Variants in TANK observed in about 807,000 individuals in gnomAD.
The protein encoded by TANK is TRAF family member-associated NF-kappa-B activator.
TANK carries 15 observed loss-of-function variants against 43.6 expected under a neutral mutation model. That is an observed-to-expected ratio of 0.34 (90% confidence interval 0.23 to 0.53). TANK has a LOEUF of 0.53. Ranked by LOEUF, TANK falls within the 20% of genes least tolerant of loss-of-function variation. TANK has a pLI of 0.94. For missense variants in TANK, 417 were observed against 498.6 expected (o/e 0.84, Z 1.56); for synonymous variants, 162 against 178.2 (o/e 0.91, Z 0.73).
chr2:161,157,193 A>T (rs1684250504), upstream of TANK, among the ~76,000 whole-genome samples: 5 of 152,192 alleles, frequency 3.3e-5, no homozygotes, highest in Admixed American at 2.6e-4. Flanking sequence ...CCTTCCAACA[A>T]AAAAGTACAT....
In TANK at chr2:161,208,182, C is replaced by G. The variant is rs559065022; in HGVS notation, c.327+3389C>G. 69 of 985,328 alleles carry G rather than the reference C, an allele frequency of 7.0e-5. No homozygotes were observed. The South Asian group carries it at 3.0e-3, about 42-fold the overall frequency. The allele number at this position is 985,328 out of a possible 1,614,324, so 61.0% of individuals were successfully genotyped here. The stretch of plus-strand genomic sequence containing the variant: ...ACTTGTGGACATTTTGGCAAATAGC[C>G]ACTCTGGCTGCCTTGGAAAAAAGAG... On this transcript the variant is annotated intron_variant, in intron 4 of 7. Transcript: ENST00000392749.
At chr2:161,202,970 G>C (rs1460301270) in intron 2 of TANK, 2 of 382,098 alleles carry the variant, frequency 5.2e-6, no homozygotes, top group Non-Finnish European at 1.0e-5. Flanking sequence ...ACTTAGTGGA[G>C]AAGTTTCTGG....
At chr2:161,137,224 A>G in intron 1 of TANK, 2 of 985,386 alleles carry the variant, frequency 2.0e-6, no homozygotes, top group Non-Finnish European at 2.4e-6. Flanking sequence ...ATAGTTAGAA[A>G]TTTGGCCTTT....
intron 4 of TANK, among the ~76,000 whole-genome samples, chr2:161,209,881 G>GA (rs1222327986): frequency 6.6e-6 from 1 of 152,122 alleles, no homozygotes; most frequent in African/African-American, 2.4e-5. Context: ...ATTGAATGTT[G>GA]AAAAGTTATT....
chr2:161,214,365 T>C (rs1687028818), intron 4 of TANK, among the ~76,000 whole-genome samples: 1 of 152,210 alleles, frequency 6.6e-6, no homozygotes, highest in African/African-American at 2.4e-5. Flanking sequence ...ATAATTGTAC[T>C]TCAGTATGCA....
intron 5 of TANK, among the ~76,000 whole-genome samples, chr2:161,224,237 G>A (rs529779806): frequency 2.0e-5 from 3 of 151,946 alleles, no homozygotes; most frequent in Admixed American, 6.6e-5. Context: ...TGTTAAGGTC[G>A]TATTTCTTTA....
chr2:161,192,403 A>G (rs1685956822), intron 2 of TANK, among the ~76,000 whole-genome samples: 1 of 152,184 alleles, frequency 6.6e-6, no homozygotes, highest in Non-Finnish European at 1.5e-5. Flanking sequence ...TCTTACCACT[A>G]CTAGTGTCCT....
intron 1 of TANK, chr2:161,161,027 A>G (rs912772456): frequency 9.5e-6 from 5 of 525,042 alleles, no homozygotes; most frequent in Admixed American, 3.2e-5. Context: ...AACTTCCCAG[A>G]GGGTCACGGA....
chr2:161,183,229 C>T (rs575179314), intron 2 of TANK, among the ~76,000 whole-genome samples: 1 of 152,238 alleles, frequency 6.6e-6, no homozygotes, highest in Non-Finnish European at 1.5e-5. Context: ...CAAAAGAATA[C>T]TCCATTATGG....
intron 2 of TANK, among the ~76,000 whole-genome samples, chr2:161,186,765 T>C (rs1685678884): frequency 6.6e-6 from 1 of 152,112 alleles, no homozygotes; most frequent in Non-Finnish European, 1.5e-5. Context: ...GGAGAAAATA[T>C]TTGCAAACTG....
intron 7 of TANK, among the ~76,000 whole-genome samples, chr2:161,234,354 T>G (rs974738253): frequency 6.6e-6 from 1 of 152,212 alleles, no homozygotes. Context: ...ATGAGATGAT[T>G]CTTCTTAAAA....
intron 1 of TANK, among the ~76,000 whole-genome samples, chr2:161,166,077 T>G (rs1177392144): frequency 6.6e-6 from 1 of 152,218 alleles, no homozygotes; most frequent in African/African-American, 2.4e-5. Flanking sequence ...CATAGAAAAT[T>G]TCACCAAGTT....
chr2:161,170,291 C>G (rs1244768730), intron 1 of TANK, among the ~76,000 whole-genome samples: 5 of 152,080 alleles, frequency 3.3e-5, no homozygotes, highest in African/African-American at 1.2e-4. Context: ...CATTTGTTTT[C>G]TCTATTAATT....
intron 1 of TANK, among the ~76,000 whole-genome samples, chr2:161,169,046 A>G (rs1480887004): frequency 6.6e-6 from 1 of 152,228 alleles, no homozygotes; most frequent in African/African-American, 2.4e-5. Context: ...GGAAGCTGCT[A>G]CAAGATTTGC....
chr2:161,189,322 G>A (rs1050777665), intron 2 of TANK, among the ~76,000 whole-genome samples: 1 of 152,102 alleles, frequency 6.6e-6, no homozygotes, highest in African/African-American at 2.4e-5. Flanking sequence ...TTCAGAAAAA[G>A]CATTTGATAA....
At position 161,208,883 on chromosome 2, in the gene TANK, T is replaced by G. The variant is rs551632602; in HGVS notation, c.327+4090T>G. 2.6e-5 allele frequency among the ~76,000 whole-genome samples: 4 copies of G among 152,280 alleles called. No homozygotes were observed. In the East Asian group the frequency reaches 7.7e-4, roughly 29 times the overall value. On this transcript the variant is annotated intron_variant, in intron 4 of 7. Coordinates refer to ENST00000392749, the MANE Select transcript of TANK (RefSeq NM_001199135.3). ...TCATTAGAAGCAAGTCACTAAGTAG[T>G]GGGGCAAGAAATTAAGCTGCACCCC...
intron 2 of TANK, among the ~76,000 whole-genome samples, chr2:161,188,090 A>G (rs780127508): frequency 7.9e-5 from 12 of 152,186 alleles, no homozygotes; most frequent in Non-Finnish European, 1.3e-4. Context: ...CTGTAAATGC[A>G]TGTATTGAAG....
At chr2:161,181,946 A>C (rs1685447692) in intron 2 of TANK, among the ~76,000 whole-genome samples, 1 of 152,166 alleles carries the variant, frequency 6.6e-6, no homozygotes, top group Admixed American at 6.5e-5. Flanking sequence ...TAGCCTGTGA[A>C]ACTCTGAAGT....
chr2:161,235,423 G>A lies in TANK; in HGVS notation c.1183G>A (p.Val395Ile). ...GTDSELHIPR[V>I]CEFCQAVFPP... ...AGACTCAGAACTGCATATACCTCGAGTATGTGAATTCTGTCAAGCAGTTTT... is the reference window on the plus strand; with the variant it reads ...AGACTCAGAACTGCATATACCTCGAATATGTGAATTCTGTCAAGCAGTTTT... Residue 395 changes from valine (V) to isoleucine (I), a missense_variant, in exon 8 of 8, where the codon GTA becomes ATA. Transcript: ENST00000392749. 1 of 1,613,908 alleles carries A rather than the reference G, an allele frequency of 6.2e-7. No individual in the cohort carries two copies. The highest frequency in any genetic ancestry group is 8.5e-7 in the Non-Finnish European group (1 of 1,179,884).
Sources: allele counts gnomAD v4.1 joint callset (sites outside exome capture counted in the v4.1 genomes callset), GRCh38; gene constraint gnomAD v4.1.1; transcripts MANE v1.5; gene names NCBI Gene and HGNC (gene_info 2026-07-23, HGNC 2026-07-21).